The following NME8 variants were observed in gnomAD, a reference collection of about 807,000 sequenced individuals.
The protein encoded by NME8 is NME/NM23 family member 8.
Under a neutral mutation model 82.3 loss-of-function variants are expected in NME8, and 72 were observed. The ratio of observed to expected loss-of-function variants is 0.87; its 90% CI spans 0.72 to 1.06. NME8 has a LOEUF of 1.06. Among genes scored for constraint, NME8 ranks in the 50% least tolerant of loss-of-function variants. The probability of loss-of-function intolerance (pLI) is 0.00; values close to 1 mark genes in which losing one functional copy is unlikely to be tolerated. For synonymous variants in NME8, 267 were observed against 228.5 expected, an observed-to-expected ratio of 1.17 and a Z score of -1.52; for missense variants, 712 against 685.4, an observed-to-expected ratio of 1.04 and a Z score of -0.43.
intron 15 of NME8, among the ~76,000 whole-genome samples, chr7:37,894,212 C>T (rs1785180084): frequency 6.6e-6 from 1 of 152,126 alleles, no homozygotes; most frequent in Non-Finnish European, 1.5e-5. Context: ...TCCCCTTCTA[C>T]TCTTGTGGCC....
chr7:37,887,363 C>A (rs750314270), intron 14 of NME8, among the ~76,000 whole-genome samples: 8 of 152,078 alleles, frequency 5.3e-5, no homozygotes, highest in African/African-American at 1.7e-4. Context: ...AATTTTATAT[C>A]TTTGGTCTAG....
intron 5 of NME8, among the ~76,000 whole-genome samples, chr7:37,854,791 C>T (rs923699975): frequency 8.8e-6 from 1 of 113,970 alleles, no homozygotes; most frequent in Admixed American, 9.5e-5. Flanking sequence ...ACATCCATAT[C>T]TTGAAACCTT....
chr7:37,852,363 G>A (rs576318961), intron 5 of NME8, among the ~76,000 whole-genome samples: 119 of 151,988 alleles, frequency 7.8e-4, no homozygotes, highest in African/African-American at 2.7e-3. Context: ...TTTACCAAAA[G>A]CCGTAGTTTA....
Position 37,888,313 on chromosome 7 carries a change from CA to C in NME8, c.1286del (p.Asn429ThrfsTer9). 6.2e-7 allele frequency: 1 copy of C among 1,613,644 alleles called. No homozygotes were observed. On this transcript the variant is annotated frameshift_variant, in exon 15 of 18. Coordinates refer to ENST00000199447, the MANE Select transcript of NME8 (RefSeq NM_016616.5). LOFTEE classifies it high-confidence loss of function. The stretch of plus-strand genomic sequence containing the variant: ...AGTTTGCGATGGACAGTTTGCCGGT[CA>C]ACCAGTTGTATGGCAGCGATTCATT... ...AQFAMDSLPV[N>X]QLYGSDSLET...
chr7:37,872,748 CT>C, intron 11 of NME8, among the ~76,000 whole-genome samples: 1 of 32,152 alleles, frequency 3.1e-5, no homozygotes, highest in Non-Finnish European at 1.0e-4. Context: ...ATGAGAAACT[CT>C]GCACAGAGAA....
intron 14 of NME8, 102 bp from the exon 15 acceptor site, chr7:37,888,175 A>C: frequency 1.7e-6 from 2 of 1,182,650 alleles, no homozygotes; most frequent in Non-Finnish European, 2.5e-6. Context: ...AAGATCTGGA[A>C]TTATTTGCTG....
intron 11 of NME8, among the ~76,000 whole-genome samples, chr7:37,870,588 C>CAA (rs35884288): frequency 8.2e-5 from 8 of 97,618 alleles, no homozygotes; most frequent in Non-Finnish European, 8.4e-5. Flanking sequence ...GACTCCATCT[C>CAA]AAAAAAAAAA....
At chr7:37,858,673 C>A (rs74658751) in intron 6 of NME8, among the ~76,000 whole-genome samples, 6,152 of 152,068 alleles carry the variant, frequency 0.04, 434 homozygotes, top group African/African-American at 0.14. Context: ...TTTAGCTGCA[C>A]GTAGTGGGTA....
At chr7:37,850,327 A>T (rs768774717) in intron 3 of NME8, 28 bp downstream of exon 3, 2 of 1,614,106 alleles carry the variant, frequency 1.2e-6, no homozygotes, top group Non-Finnish European at 1.7e-6. Context: ...ACAATTCTTT[A>T]TCTGGTGCAC....
At chr7:37,884,277 C>G in intron 12 of NME8, 26 bp from the exon 13 acceptor site, 1 of 1,468,982 alleles carries the variant, frequency 6.8e-7, no homozygotes, top group Middle Eastern at 1.9e-4. Context: ...CAGTTTAAAA[C>G]TTATTATGTA....
intron 11 of NME8, among the ~76,000 whole-genome samples, chr7:37,873,428 A>G (rs1312683032): frequency 6.6e-6 from 1 of 152,142 alleles, no homozygotes; most frequent in African/African-American, 2.4e-5. Context: ...TGAGTATAAA[A>G]TAAAAATAAA....
chr7:37,887,324 C>T (rs1785058290), intron 14 of NME8, among the ~76,000 whole-genome samples: 1 of 152,058 alleles, frequency 6.6e-6, no homozygotes, highest in Admixed American at 6.6e-5. Context: ...GGAGGTTTCC[C>T]TTCAGTATCT....
intron 5 of NME8, among the ~76,000 whole-genome samples, chr7:37,851,293 G>A (rs866653063): frequency 1.3e-4 from 20 of 152,192 alleles, no homozygotes; most frequent in Admixed American, 3.9e-4. Context: ...TGACTATGGA[G>A]CTCTTGCAAT....
At chr7:37,872,998 A>G (rs1472738231) in intron 11 of NME8, among the ~76,000 whole-genome samples, 1 of 152,212 alleles carries the variant, frequency 6.6e-6, no homozygotes, top group Non-Finnish European at 1.5e-5. Flanking sequence ...GATCATCTTA[A>G]CAGCCTCTTC....
chr7:37,876,694 G>T, intron 11 of NME8, 138 bp from the exon 12 acceptor site: 1 of 648,830 alleles, frequency 1.5e-6, no homozygotes, highest in Non-Finnish European at 2.7e-6. Flanking sequence ...ATAGGGAGAT[G>T]CAATTTATCT....
At chr7:37,856,801 G>A (rs1226920425) in intron 5 of NME8, among the ~76,000 whole-genome samples, 1 of 152,154 alleles carries the variant, frequency 6.6e-6, no homozygotes, top group African/African-American at 2.4e-5. Flanking sequence ...ACGTGGATAG[G>A]AAACATACTA....
chr7:37,897,919 G>A (rs1025742139), intron 17 of NME8, among the ~76,000 whole-genome samples: 3 of 152,082 alleles, frequency 2.0e-5, no homozygotes, highest in Non-Finnish European at 2.9e-5. Flanking sequence ...ATTTGGGTTG[G>A]TGCCATGTCT....
chr7:37,882,585 A>AAG (rs1271829579), intron 12 of NME8, among the ~76,000 whole-genome samples: 1 of 55,054 alleles, frequency 1.8e-5, no homozygotes, highest in Admixed American at 2.0e-4. Context: ...GAAAGAAAGA[A>AAG]AGAAAGAAAG....
At chr7:37,888,045 T>C (rs1388275804) in intron 14 of NME8, among the ~76,000 whole-genome samples, 1 of 152,152 alleles carries the variant, frequency 6.6e-6, no homozygotes, top group East Asian at 1.9e-4. Context: ...TAGTTATCTG[T>C]TAATATTCAT....
Sources: gnomAD v4.1 joint callset for allele counts (sites outside exome capture counted in the v4.1 genomes callset) on GRCh38, gnomAD v4.1.1 for gene constraint, MANE v1.5 for transcripts, NCBI Gene and HGNC (gene_info 2026-07-23, HGNC 2026-07-21) for gene names.